SMOC2: variants seen among roughly 807,000 people sequenced by gnomAD.
SMOC2 encodes the protein SPARC-related modular calcium-binding protein 2.
In SMOC2, 39 loss-of-function variants were observed where a neutral mutation model predicts 61.4. That is an observed-to-expected ratio of 0.64 (90% CI 0.49 to 0.83). The LOEUF (loss-of-function observed/expected upper bound fraction) is 0.83, where lower values mean the gene tolerates loss of function less well. Among genes scored for constraint, SMOC2 ranks in the 40% least tolerant of loss-of-function variants. The pLI is 0.00. For synonymous variants in SMOC2, 247 were observed against 239.9 expected, an observed-to-expected ratio of 1.03 and a Z score of -0.27; for missense variants, 556 against 592.9, an observed-to-expected ratio of 0.94 and a Z score of 0.65.
chr6:168,640,182 TGTTGG>T (rs1334103560), intron 9 of SMOC2, among the ~76,000 whole-genome samples: 49 of 138,970 alleles, frequency 3.5e-4, no homozygotes, highest in Non-Finnish European at 5.5e-4. Context: ...TTGGTGTTGG[TGTTGG>T]TGTTGGTGTT....
At position 168,549,138 on chromosome 6, in the gene SMOC2, C is replaced by T; in HGVS notation, c.572C>T (p.Ser191Leu). Residue 191 changes from serine to leucine, a missense_variant, in exon 7 of 13, where the codon TCA becomes TTA. Coordinates refer to ENST00000356284, the MANE Select transcript of SMOC2 (RefSeq NM_001166412.2). ...QPQGDEEDIA[S>L]RYPTLWTEQV... ...TCATTTTGGTTCATAGATATTGCAT[C>T]ACGTTACCCTACCCTTTGGACTGAA... The T allele has an allele frequency of 6.2e-7, 1 of 1,614,012 alleles. No individual in the cohort carries two copies. Among genetic ancestry groups the T allele is most frequent in the East Asian group, 2.2e-5 (1 of 44,878 alleles).
chr6:168,627,211 G>T (rs1230356087), intron 9 of SMOC2, among the ~76,000 whole-genome samples: 1 of 152,214 alleles, frequency 6.6e-6, no homozygotes, highest in Non-Finnish European at 1.5e-5. Context: ...CCTCTAGTAA[G>T]ACTGAGTCTG....
chr6:168,653,062 A>T lies in SMOC2; in HGVS notation c.1119A>T (p.Lys373Asn). ...SSGDIGKKEI[K>N]PFKRFLRKKS... Reference sequence around the variant, plus strand: ...GAGACATCGGCAAAAAGGAAATCAAACCCTTCAAGAGGTTCCTTCGCAAAA... The same window carrying T: ...GAGACATCGGCAAAAAGGAAATCAATCCCTTCAAGAGGTTCCTTCGCAAAA... Residue 373 changes from lysine (K) to asparagine (N), a missense_variant, in exon 11 of 13, where the codon AAA (lysine) becomes AAT (asparagine). Coordinates refer to ENST00000356284, the MANE Select transcript of SMOC2 (RefSeq NM_001166412.2). 5 of 1,614,118 alleles carry T rather than the reference A, an allele frequency of 3.1e-6. No homozygotes were observed. Among genetic ancestry groups the T allele is most frequent in the Non-Finnish European group, 4.2e-6 (5 of 1,180,028 alleles).
chr6:168,540,251 C>T (rs948678098), intron 4 of SMOC2, among the ~76,000 whole-genome samples: 5 of 152,234 alleles, frequency 3.3e-5, no homozygotes, highest in African/African-American at 1.2e-4. Flanking sequence ...GCGGCGAGGG[C>T]CTGAGGGCTG....
At chr6:168,644,371 C>T (rs566853071) in intron 9 of SMOC2, among the ~76,000 whole-genome samples, 1 of 152,322 alleles carries the variant, frequency 6.6e-6, no homozygotes, top group African/African-American at 2.4e-5. Context: ...GTAGCCATGA[C>T]ATTTTATTTC....
At chr6:168,594,080 C>G (rs62422499) in intron 7 of SMOC2, among the ~76,000 whole-genome samples, 1 of 64,606 alleles carries the variant, frequency 1.5e-5, no homozygotes, top group Non-Finnish European at 3.6e-5. Context: ...AGAGGATCGC[C>G]GAGCTCCTCC....
chr6:168,506,733 C>A (rs148028463), intron 1 of SMOC2, among the ~76,000 whole-genome samples: 3 of 152,328 alleles, frequency 2.0e-5, no homozygotes, highest in East Asian at 3.9e-4. Flanking sequence ...AAATGAGAAC[C>A]CCCTGCAATT....
rs535351403 is a variant in SMOC2 at position 168,574,249 on chromosome 6, G to A, written c.638-24569G>A. 1.3e-4 allele frequency among the ~76,000 whole-genome samples: 20 copies of A among 152,354 alleles called. No individual in the cohort carries two copies. The East Asian group carries it at 3.3e-3, about 25-fold the overall frequency. ...GGGAGGGGGGCCAGGCCCTGAGCAT[G>A]CTCATGGGCAGGGCGGGTAGGTCGA... On this transcript the variant is annotated intron_variant, in intron 7 of 12. Transcript: ENST00000356284.
intron 1 of SMOC2, among the ~76,000 whole-genome samples, chr6:168,473,755 G>A (rs1363920586): frequency 6.6e-6 from 1 of 152,118 alleles, no homozygotes. Flanking sequence ...TCTATGCAAA[G>A]CCAGTGCTGC....
Position 168,535,057 on chromosome 6 carries a change from G to A in SMOC2, c.463+7330G>A, listed in dbSNP as rs111864123. On this transcript the variant is annotated intron_variant, in intron 4 of 12. Coordinates refer to ENST00000356284, the MANE Select transcript of SMOC2 (RefSeq NM_001166412.2). This position sits in a 1 kb window ranked among gnomAD's most constrained non-coding sequence, Gnocchi z 4.6. The stretch of plus-strand genomic sequence containing the variant: ...ACAATCTCGGCTCACTGCAACCTCC[G>A]CCTCCGGGGTTCAAGCGATTCTCCT... Among the ~76,000 whole-genome samples, 2,367 of 152,098 alleles carry A rather than the reference G, an allele frequency of 0.016. 55 individuals carry two copies. The highest frequency in any genetic ancestry group is 0.05 in the African/African-American group (2,090 of 41,480).
chr6:168,472,075 C>T (rs1231031746), intron 1 of SMOC2, among the ~76,000 whole-genome samples: 1 of 152,204 alleles, frequency 6.6e-6, no homozygotes, highest in African/African-American at 2.4e-5. Context: ...ATCCATTTTT[C>T]CTGCTATGGC....
At chr6:168,644,723 C>A (rs543704097) in intron 9 of SMOC2, among the ~76,000 whole-genome samples, 1 of 146,770 alleles carries the variant, frequency 6.8e-6, no homozygotes, top group Non-Finnish European at 1.5e-5. Context: ...GATCGCAGCT[C>A]ACTGCAACCT....
rs186134181 is a variant in SMOC2, at chr6:168,590,650, A to C, written c.638-8168A>C. On this transcript the variant is annotated intron_variant, in intron 7 of 12. Coordinates refer to ENST00000356284, the MANE Select transcript of SMOC2 (RefSeq NM_001166412.2). Reference sequence around the variant, plus strand: ...TCTTGAAATATGGCCAAATATGGAGACTTCATTTTTAGAATGCATGTGATT... The same window carrying C: ...TCTTGAAATATGGCCAAATATGGAGCCTTCATTTTTAGAATGCATGTGATT... 1.7e-4 allele frequency among the ~76,000 whole-genome samples: 26 copies of C among 152,298 alleles called. No homozygotes were observed. The East Asian group carries it at 4.8e-3, about 28-fold the overall frequency.
intron 9 of SMOC2, among the ~76,000 whole-genome samples, chr6:168,617,840 C>T (rs1786133864): frequency 6.6e-6 from 1 of 152,238 alleles, no homozygotes; most frequent in African/African-American, 2.4e-5. Flanking sequence ...TTCTCTCCGC[C>T]ATGCATGGGA....
At chr6:168,617,498 A>G (rs1786124888) in intron 9 of SMOC2, among the ~76,000 whole-genome samples, 1 of 152,092 alleles carries the variant, frequency 6.6e-6, no homozygotes, top group Non-Finnish European at 1.5e-5. Flanking sequence ...AGTTTCTCCC[A>G]TGACCTTTCA....
Position 168,491,047 on chromosome 6 carries a change from G to A in SMOC2, c.85-18868G>A, listed in dbSNP as rs749945432. Among the ~76,000 whole-genome samples the A allele has an allele frequency of 3.3e-5, 5 of 152,298 alleles. No individual in the cohort carries two copies. The East Asian group carries it at 7.7e-4, about 24-fold the overall frequency. ...TCATCTTGTGCAAGGGGGCAGCGGGGGCGGCTGGTCTCTCTCATTAAAAGG... is the reference window on the plus strand; with the variant it reads ...TCATCTTGTGCAAGGGGGCAGCGGGAGCGGCTGGTCTCTCTCATTAAAAGG... On this transcript the variant is annotated intron_variant, in intron 1 of 12. Coordinates refer to ENST00000356284, the MANE Select transcript of SMOC2 (RefSeq NM_001166412.2).
chr6:168,538,850 C>A (rs1234240548), intron 4 of SMOC2, among the ~76,000 whole-genome samples: 1 of 152,034 alleles, frequency 6.6e-6, no homozygotes, highest in Non-Finnish European at 1.5e-5. Flanking sequence ...GTGACCCCTG[C>A]AGAAGCAGGT....
intron 1 of SMOC2, among the ~76,000 whole-genome samples, chr6:168,483,321 A>G (rs1782254646): frequency 6.6e-6 from 1 of 152,114 alleles, no homozygotes; most frequent in Non-Finnish European, 1.5e-5. Flanking sequence ...AAAGGAAATC[A>G]TAAAAACAAT....
chr6:168,599,140 AC>A (rs1785416732), intron 8 of SMOC2, 136 bp downstream of exon 8: 2 of 791,790 alleles, frequency 2.5e-6, no homozygotes, highest in East Asian at 2.7e-5. Context: ...ACACACTGAT[AC>A]CACACACATA....
Sources: allele counts gnomAD v4.1 joint callset (sites outside exome capture counted in the v4.1 genomes callset), GRCh38; gene constraint gnomAD v4.1.1; non-coding constraint Gnocchi (gnomAD v3.1); transcripts MANE v1.5; gene names NCBI Gene and HGNC (gene_info 2026-07-23, HGNC 2026-07-21).